PDE9A: variants seen among roughly 807,000 people sequenced by gnomAD.
The protein encoded by PDE9A is phosphodiesterase 9A.
Under a neutral mutation model 87.4 loss-of-function variants are expected in PDE9A, and 60 were observed. The ratio of observed to expected loss-of-function variants is 0.69; its 90% confidence interval spans 0.56 to 0.85. The LOEUF is 0.85. Among genes scored for constraint, PDE9A ranks in the 40% least tolerant of loss-of-function variants. The pLI, the probability that PDE9A is intolerant of heterozygous loss-of-function variation, is 0.00. For synonymous variants in PDE9A, 272 were observed against 279.4 expected (o/e 0.97, Z 0.27); for missense variants, 665 against 779.0 (o/e 0.85, Z 1.74).
intron 4 of PDE9A, among the ~76,000 whole-genome samples, chr21:42,730,296 T>A (rs1188822157): frequency 1.3e-5 from 2 of 152,172 alleles, no homozygotes; most frequent in Non-Finnish European, 2.9e-5. Flanking sequence ...CTTCAAGAAA[T>A]ATAACAAAAC....
At chr21:42,768,750 G>C (rs1012859002) in intron 16 of PDE9A, 10 of 985,422 alleles carry the variant, frequency 1.0e-5, no homozygotes, top group Non-Finnish European at 1.2e-5. Context: ...GGAGAAGTCG[G>C]GAGGCTTTCT....
chr21:42,679,763 A>AC (rs907954990), intron 1 of PDE9A, among the ~76,000 whole-genome samples: 18 of 151,860 alleles, frequency 1.2e-4, no homozygotes, highest in Non-Finnish European at 2.1e-4. Flanking sequence ...GAAACGACTC[A>AC]CCCCCCACCC....
At position 42,660,869 on chromosome 21, in the gene PDE9A, G is replaced by GTCT. The variant is rs2057431497; in HGVS notation, c.69+6987_69+6989dup. Among the ~76,000 whole-genome samples the GTCT allele has an allele frequency of 6.6e-6, 1 of 151,940 alleles. No individual in the cohort carries two copies. Among genetic ancestry groups the GTCT allele is most frequent in the African/African-American group, 2.4e-5 (1 of 41,346 alleles). ...GTCTTGAACCCATCCCTGACTGCCTGTCTCCCCCCTCACCCTGACCACATC... is the reference window on the plus strand; with the variant it reads ...GTCTTGAACCCATCCCTGACTGCCTGTCTTCTCCCCCCTCACCCTGACCACATC... On this transcript the variant is annotated intron_variant, in intron 1 of 19. Coordinates refer to ENST00000291539, the MANE Select transcript of PDE9A (RefSeq NM_002606.3). The surrounding 1 kb of genome is among the most constrained non-coding windows in gnomAD (Gnocchi z 4.7).
rs549342869 is a variant in PDE9A at position 42,691,616 on chromosome 21, C to T, written c.218+3622C>T. ...CACCATCACCATCCAAAGTTACCAG[C>T]CCCATCACCATCATCATCCAGAGTC... On this transcript the variant is annotated intron_variant, in intron 3 of 19. Coordinates refer to ENST00000291539, the MANE Select transcript of PDE9A (RefSeq NM_002606.3). Among the ~76,000 whole-genome samples the T allele has an allele frequency of 4.7e-4, 70 of 149,860 alleles. 1 individual carries two copies. Among genetic ancestry groups the T allele is most frequent in the African/African-American group, 1.6e-3 (65 of 40,658 alleles).
intron 7 of PDE9A, among the ~76,000 whole-genome samples, chr21:42,743,445 T>C (rs1307201876): frequency 6.6e-6 from 1 of 152,142 alleles, no homozygotes; most frequent in Non-Finnish European, 1.5e-5. Context: ...AGCTGGTGCT[T>C]AGGGGTATGG....
chr21:42,694,745 T>G lies in PDE9A; in HGVS notation c.219-4223T>G, dbSNP rs2060050928. Reference sequence around the variant, plus strand: ...TATCTCTCCCTTGAGTCCTGCTACCTTCCAGAAAAATAGGCTCCAAACACA... The same window carrying G: ...TATCTCTCCCTTGAGTCCTGCTACCGTCCAGAAAAATAGGCTCCAAACACA... On this transcript the variant is annotated intron_variant, in intron 3 of 19. Coordinates refer to ENST00000291539, the MANE Select transcript of PDE9A (RefSeq NM_002606.3). This position sits in a 1 kb window ranked among gnomAD's most constrained non-coding sequence, Gnocchi z 5.3. Among the ~76,000 whole-genome samples the G allele has an allele frequency of 6.6e-6, 1 of 152,172 alleles. No individual in the cohort carries two copies. The highest frequency in any genetic ancestry group is 6.5e-5 in the Admixed American group (1 of 15,280).
Position 42,759,317 on chromosome 21 carries a change from C to T in PDE9A, c.897+232C>T, listed in dbSNP as rs983862483. ...TCCTGCTCTGATAAGCAAGGAGTAGCTTATCAGTGAGACTCTGCCATCATC... is the reference window on the plus strand; with the variant it reads ...TCCTGCTCTGATAAGCAAGGAGTAGTTTATCAGTGAGACTCTGCCATCATC... On this transcript the variant is annotated intron_variant, in intron 11 of 19. Coordinates refer to ENST00000291539, the MANE Select transcript of PDE9A (RefSeq NM_002606.3). This position sits in a 1 kb window ranked among gnomAD's most constrained non-coding sequence, Gnocchi z 7.2. 3.3e-5 allele frequency among the ~76,000 whole-genome samples: 5 copies of T among 152,084 alleles called. No homozygotes were observed. Among genetic ancestry groups the T allele is most frequent in the African/African-American group, 1.2e-4 (5 of 41,406 alleles).
chr21:42,752,430 G>A (rs1251526132), intron 9 of PDE9A, among the ~76,000 whole-genome samples: 3 of 151,962 alleles, frequency 2.0e-5, no homozygotes, highest in African/African-American at 4.8e-5. Context: ...CGCCATGCCC[G>A]GCTAATTACT....
intron 1 of PDE9A, among the ~76,000 whole-genome samples, chr21:42,665,977 A>AG (rs1332574269): frequency 6.6e-6 from 1 of 152,212 alleles, no homozygotes; most frequent in African/African-American, 2.4e-5. Context: ...GACCGTGAGA[A>AG]GGGAGTCCTA....
chr21:42,708,402 C>A (rs1012079011), intron 4 of PDE9A, among the ~76,000 whole-genome samples: 2 of 152,110 alleles, frequency 1.3e-5, no homozygotes, highest in African/African-American at 4.8e-5. Flanking sequence ...CATTGCTGCA[C>A]GGACCTCAAG....
chr21:42,686,057 C>G, intron 1 of PDE9A, 135 bp from the exon 2 acceptor site: 1 of 639,274 alleles, frequency 1.6e-6, no homozygotes, highest in Non-Finnish European at 2.9e-6. Context: ...CTGTGACATT[C>G]CCGTGCGTAG....
intron 1 of PDE9A, among the ~76,000 whole-genome samples, chr21:42,658,804 T>C (rs1422426916): frequency 6.6e-6 from 1 of 152,208 alleles, no homozygotes; most frequent in Non-Finnish European, 1.5e-5. Context: ...GGTATAAAAA[T>C]GGTACTGTAA....
At chr21:42,714,585 T>C (rs77903707) in intron 4 of PDE9A, among the ~76,000 whole-genome samples, 10,205 of 83,876 alleles carry the variant, frequency 0.12, 610 homozygotes, top group East Asian at 0.33. Context: ...CAGTCTTTGT[T>C]GATATGGTTG....
chr21:42,663,291 TCA>T (rs1036264333), intron 1 of PDE9A, among the ~76,000 whole-genome samples: 6 of 142,198 alleles, frequency 4.2e-5, no homozygotes, highest in Non-Finnish European at 7.7e-5. Flanking sequence ...CACAGGCACA[TCA>T]CACACATACA....
intron 10 of PDE9A, chr21:42,758,548 G>A (rs1282022294): frequency 6.5e-6 from 1 of 154,158 alleles, no homozygotes; most frequent in Non-Finnish European, 1.4e-5. Context: ...GATGCCACCT[G>A]TGCTCAGGTG....
intron 1 of PDE9A, among the ~76,000 whole-genome samples, chr21:42,673,564 T>G (rs1042883210): frequency 2.6e-5 from 4 of 152,228 alleles, no homozygotes; most frequent in African/African-American, 9.6e-5. Flanking sequence ...TATAAACAGT[T>G]GGGCAAATCA....
At chr21:42,670,029 CAT>C (rs111353434) in intron 1 of PDE9A, among the ~76,000 whole-genome samples, 2,247 of 152,174 alleles carry the variant, frequency 0.015, 49 homozygotes, top group African/African-American at 0.052. Context: ...AGGAAAGCAC[CAT>C]GTTTCACCTT....
At chr21:42,763,154 T>A (rs1055793762) in intron 14 of PDE9A, among the ~76,000 whole-genome samples, 12 of 152,042 alleles carry the variant, frequency 7.9e-5, no homozygotes, top group African/African-American at 2.9e-4. Flanking sequence ...GAATTCCTCA[T>A]CAAACCCTCA....
chr21:42,691,139 CAG>C (rs1250767243), intron 3 of PDE9A, among the ~76,000 whole-genome samples: 1 of 151,802 alleles, frequency 6.6e-6, no homozygotes, highest in Non-Finnish European at 1.5e-5. Context: ...CATCATCATC[CAG>C]AGTCACCAGC....
Sources: allele counts gnomAD v4.1 joint callset (sites outside exome capture counted in the v4.1 genomes callset), GRCh38; gene constraint gnomAD v4.1.1; non-coding constraint Gnocchi (gnomAD v3.1); transcripts MANE v1.5; gene names NCBI Gene and HGNC (gene_info 2026-07-23, HGNC 2026-07-21).